Variants in ZFAND4 observed in about 807,000 individuals in gnomAD.
ZFAND4 encodes the protein zinc finger AN1-type containing 4.
Under a neutral mutation model 64.4 loss-of-function variants are expected in ZFAND4, and 43 were observed. The ratio of observed to expected loss-of-function variants is 0.67; its 90% CI spans 0.52 to 0.86. ZFAND4 has a LOEUF of 0.86. ZFAND4 is among the 40% of genes least tolerant of loss of function. The pLI, the probability that ZFAND4 is intolerant of heterozygous loss-of-function variation, is 0.00. For synonymous variants in ZFAND4, 296 were observed against 305.7 expected (o/e 0.97, Z 0.33); for missense variants, 929 against 859.8 (o/e 1.08, Z -1.01).
chr10:45,666,162 T>C (rs533294053), intron 1 of ZFAND4, among the ~76,000 whole-genome samples: 1 of 152,368 alleles, frequency 6.6e-6, no homozygotes, highest in Non-Finnish European at 1.5e-5. Flanking sequence ...TGGATCATTT[T>C]ATAGTCCCAT....
intron 1 of ZFAND4, among the ~76,000 whole-genome samples, chr10:45,667,890 G>C (rs538808809): frequency 6.6e-6 from 1 of 152,150 alleles, no homozygotes; most frequent in Admixed American, 6.5e-5. Flanking sequence ...TGAGTCTTTA[G>C]GTATAATGTT....
At chr10:45,639,739 T>C in intron 6 of ZFAND4, 77 bp downstream of exon 6, 1 of 1,459,086 alleles carries the variant, frequency 6.9e-7, no homozygotes, top group Non-Finnish European at 9.1e-7. Flanking sequence ...TTTTTCACAA[T>C]GACCAACAGA....
chr10:45,640,418 C>G, intron 5 of ZFAND4: 1 of 978,952 alleles, frequency 1.0e-6, no homozygotes, highest in Non-Finnish European at 1.3e-6. Context: ...TGAGGAGATT[C>G]TCACTAAAAA....
At chr10:45,622,857 C>T (rs907870110) in intron 8 of ZFAND4, among the ~76,000 whole-genome samples, 1 of 151,942 alleles carries the variant, frequency 6.6e-6, no homozygotes, top group African/African-American at 2.4e-5. Flanking sequence ...GCCTGAAATA[C>T]CATGATTGTT....
chr10:45,645,182 G>A (rs960185087), intron 5 of ZFAND4, among the ~76,000 whole-genome samples: 2 of 151,856 alleles, frequency 1.3e-5, no homozygotes, highest in Admixed American at 6.6e-5. Context: ...TGTGTTGCCC[G>A]GACTTGTCTC....
chr10:45,651,632 G>C (rs17768650), intron 4 of ZFAND4: 15,407 of 480,870 alleles, frequency 0.032, 296 homozygotes, highest in East Asian at 0.05. Context: ...AGATCTGGTA[G>C]ATTTAAAAAT....
At chr10:45,661,707 G>A (rs1405022316) in intron 2 of ZFAND4, among the ~76,000 whole-genome samples, 1 of 152,122 alleles carries the variant, frequency 6.6e-6, no homozygotes, top group Non-Finnish European at 1.5e-5. Context: ...TTGGGAGGCC[G>A]AGGCAGGTGG....
intron 3 of ZFAND4, among the ~76,000 whole-genome samples, chr10:45,652,586 C>CT (rs1237086197): frequency 6.6e-6 from 1 of 152,030 alleles, no homozygotes; most frequent in Non-Finnish European, 1.5e-5. Flanking sequence ...AAAAGGAGGG[C>CT]TTAATGAGAA....
intron 6 of ZFAND4, among the ~76,000 whole-genome samples, chr10:45,629,690 A>C (rs2046074986): frequency 6.6e-6 from 1 of 151,880 alleles, no homozygotes; most frequent in African/African-American, 2.4e-5. Context: ...AGAAAAACCC[A>C]TCTCTATCAA....
intron 6 of ZFAND4, among the ~76,000 whole-genome samples, chr10:45,634,600 G>A (rs1477008276): frequency 6.6e-6 from 1 of 151,468 alleles, no homozygotes; most frequent in Non-Finnish European, 1.5e-5. Flanking sequence ...AATGCTGAGA[G>A]AATTATCATC....
At chr10:45,642,910 C>CTTTT (rs749998698) in intron 5 of ZFAND4, among the ~76,000 whole-genome samples, 81 of 83,824 alleles carry the variant, frequency 9.7e-4, no homozygotes, top group African/African-American at 1.4e-3. Flanking sequence ...TTCTCCAAAT[C>CTTTT]TTTTTTTTTT....
chr10:45,654,516 G>A (rs2047974235), intron 2 of ZFAND4, among the ~76,000 whole-genome samples: 1 of 152,008 alleles, frequency 6.6e-6, no homozygotes, highest in Non-Finnish European at 1.5e-5. Flanking sequence ...CTACTCTGTA[G>A]GCTGAGGCAG....
At chr10:45,640,780 G>A (rs1019630555) in intron 5 of ZFAND4, among the ~76,000 whole-genome samples, 8 of 152,240 alleles carry the variant, frequency 5.3e-5, no homozygotes, top group South Asian at 2.1e-4. Flanking sequence ...GTGAGCCACC[G>A]CGCCCAGCCA....
Position 45,626,178 on chromosome 10 carries a change from T to C in ZFAND4, c.1645A>G (p.Ile549Val), listed in dbSNP as rs374059467. The C allele has an allele frequency of 9.3e-6, 15 of 1,614,058 alleles. No individual in the cohort carries two copies. The African/African-American group carries it at 9.3e-5, about 10-fold the overall frequency. The change falls in exon 7 of 10, where the codon ATC becomes GTC. Residue 549 changes from isoleucine to valine, a missense_variant. Coordinates refer to ENST00000344646, the MANE Select transcript of ZFAND4 (RefSeq NM_174890.4). ...DVISKVEARD[I>V]TEMTNKASKE... ...GAAGCCTTGTTAGTCATTTCTGTGA[T>C]ATCCCGAGCCTCAACTTTGGAAATA...
At chr10:45,666,533 T>C (rs1399590543) in intron 1 of ZFAND4, among the ~76,000 whole-genome samples, 1 of 152,182 alleles carries the variant, frequency 6.6e-6, no homozygotes, top group Non-Finnish European at 1.5e-5. Context: ...CAAAGGTTTT[T>C]AATTTTGTTA....
rs750100473 is a variant in ZFAND4 at position 45,626,564 on chromosome 10, C to T, written c.1259G>A (p.Cys420Tyr). The T allele has an allele frequency of 8.7e-6, 14 of 1,614,058 alleles. No individual in the cohort carries two copies. Among genetic ancestry groups the T allele is most frequent in the Admixed American group, 1.7e-5 (1 of 60,006 alleles). The stretch of plus-strand genomic sequence containing the variant: ...GAGTAGCAACTCCAGATTCACTTTG[C>T]ACGCACCTTCTAAGCCGCTGCTCTG... ...DEQSSGLEGA[C>Y]KVNLELLLTN... is the part of the protein sequence containing the mutation. The change falls in exon 7 of 10, where the codon TGC becomes TAC. Residue 420 changes from cysteine (C) to tyrosine (Y), a missense_variant. By Grantham distance (194) the Cys-to-Tyr change is radical. Transcript: ENST00000344646.
chr10:45,634,886 G>C (rs867531623), intron 6 of ZFAND4, among the ~76,000 whole-genome samples: 1 of 151,732 alleles, frequency 6.6e-6, no homozygotes, highest in Admixed American at 6.6e-5. Context: ...AATCAAGAAA[G>C]TAATCTCATT....
At chr10:45,647,723 C>A in intron 5 of ZFAND4, among the ~76,000 whole-genome samples, 1 of 152,086 alleles carries the variant, frequency 6.6e-6, no homozygotes, top group East Asian at 1.9e-4. Context: ...GTGCCTTGCT[C>A]AGTGAATGGC....
intron 6 of ZFAND4, among the ~76,000 whole-genome samples, chr10:45,636,167 T>C (rs1368943480): frequency 6.6e-6 from 1 of 152,228 alleles, no homozygotes; most frequent in African/African-American, 2.4e-5. Context: ...AATATCAGAA[T>C]ATTTTTATTC....
Sources: allele counts gnomAD v4.1 joint callset (sites outside exome capture counted in the v4.1 genomes callset), GRCh38; gene constraint gnomAD v4.1.1; transcripts MANE v1.5; gene names NCBI Gene and HGNC (gene_info 2026-07-23, HGNC 2026-07-21).